The following SEMA5A variants were observed in gnomAD, a reference collection of about 807,000 sequenced individuals.
The protein encoded by SEMA5A is semaphorin 5A.
A neutral mutation model predicts 135.5 loss-of-function variants in SEMA5A; 55 were observed. That is an observed-to-expected ratio of 0.41 (90% CI 0.33 to 0.51). The LOEUF (loss-of-function observed/expected upper bound fraction) is 0.51, where lower values mean the gene tolerates loss of function less well. Ranked by LOEUF, SEMA5A falls within the 20% of genes least tolerant of loss-of-function variation. SEMA5A has a pLI of 0.37. For missense variants in SEMA5A, 1,290 were observed against 1,419.9 expected (o/e 0.91, Z 1.47); for synonymous variants, 580 against 546.5 (o/e 1.06, Z -0.85).
intron 5 of SEMA5A, among the ~76,000 whole-genome samples, chr5:9,310,184 A>G (rs1752061723): frequency 6.6e-6 from 1 of 152,162 alleles, no homozygotes; most frequent in African/African-American, 2.4e-5. Flanking sequence ...TAGGCTTGGT[A>G]GGCCAGGCAG....
rs867295444 is a variant in SEMA5A, at chr5:9,226,792, T to C, written c.432+77A>G. The C allele has an allele frequency of 1.4e-5, 16 of 1,159,860 alleles. No individual in the cohort carries two copies. The Middle Eastern group carries it at 5.8e-4, about 42-fold the overall frequency. 71.8% of individuals were successfully genotyped at this position (1,159,860 alleles called of 1,614,324 possible). On this transcript the variant is annotated intron_variant, in intron 7 of 22. Transcript: ENST00000382496. ...CAACACCTTGGTGTATAGAAATTCA[T>C]TTAAAACTAGTATTTTTACACAATG...
chr5:9,174,440 G>A (rs1341948386), intron 11 of SEMA5A, among the ~76,000 whole-genome samples: 4 of 152,152 alleles, frequency 2.6e-5, no homozygotes, highest in African/African-American at 9.7e-5. Flanking sequence ...ATGTGGTGAG[G>A]TACCTTTTCT....
chr5:9,515,911 C>T (rs973346592), intron 1 of SEMA5A, among the ~76,000 whole-genome samples: 9 of 152,208 alleles, frequency 5.9e-5, no homozygotes, highest in East Asian at 1.9e-4. Flanking sequence ...CTGCCACCCA[C>T]GTAGCACCTC....
chr5:9,528,206 G>C lies in SEMA5A; in HGVS notation c.-175+17378C>G, dbSNP rs151197004. 3.9e-5 allele frequency among the ~76,000 whole-genome samples: 6 copies of C among 152,174 alleles called. No homozygotes were observed. In the East Asian group the frequency reaches 1.2e-3, roughly 29 times the overall value. ...TTCATCCCAATTTTCTAAAGAAAATGGTGTCAGCCCTCAGTTACACTATAG... is the reference window on the plus strand; with the variant it reads ...TTCATCCCAATTTTCTAAAGAAAATCGTGTCAGCCCTCAGTTACACTATAG... On this transcript the variant is annotated intron_variant, in intron 1 of 22. Coordinates refer to ENST00000382496, the MANE Select transcript of SEMA5A (RefSeq NM_003966.3).
At chr5:9,336,439 A>G (rs1044170257) in intron 4 of SEMA5A, among the ~76,000 whole-genome samples, 1 of 152,120 alleles carries the variant, frequency 6.6e-6, no homozygotes, top group Non-Finnish European at 1.5e-5. Context: ...GACTGATTTA[A>G]CACCACTGCA....
intron 1 of SEMA5A, among the ~76,000 whole-genome samples, chr5:9,473,147 C>A: frequency 7.8e-6 from 1 of 128,334 alleles, no homozygotes; most frequent in South Asian, 2.4e-4. Context: ...ATATAATGCC[C>A]ACAAAATAAA....
intron 5 of SEMA5A, among the ~76,000 whole-genome samples, chr5:9,255,784 A>G (rs149667689): frequency 2.4e-4 from 37 of 152,302 alleles, no homozygotes; most frequent in African/African-American, 8.7e-4. Flanking sequence ...ATTCCTGTCC[A>G]TTACTGGAAA....
At chr5:9,392,866 A>C (rs10513006) in intron 2 of SEMA5A, among the ~76,000 whole-genome samples, 1 of 152,218 alleles carries the variant, frequency 6.6e-6, no homozygotes, top group Non-Finnish European at 1.5e-5. Flanking sequence ...GCAATGAATC[A>C]TCCACTTTAT....
At chr5:9,115,319 A>G (rs1740455057) in intron 15 of SEMA5A, among the ~76,000 whole-genome samples, 1 of 152,180 alleles carries the variant, frequency 6.6e-6, no homozygotes, top group African/African-American at 2.4e-5. Flanking sequence ...CATAACTAAG[A>G]GTCCAGAAGG....
At chr5:9,052,272 A>C (rs909488921) in intron 19 of SEMA5A, among the ~76,000 whole-genome samples, 2 of 152,334 alleles carry the variant, frequency 1.3e-5, no homozygotes, top group East Asian at 3.9e-4. Context: ...AGCTTAAAAT[A>C]AACATTATTT....
chr5:9,119,905 T>C (rs1292194744), intron 14 of SEMA5A, among the ~76,000 whole-genome samples: 1 of 151,458 alleles, frequency 6.6e-6, no homozygotes, highest in Non-Finnish European at 1.5e-5. Flanking sequence ...TGTAGATATA[T>C]AAAAATATAA....
chr5:9,230,934 C>G lies in SEMA5A; in HGVS notation c.334-3967G>C, dbSNP rs575407590. 2.0e-5 allele frequency among the ~76,000 whole-genome samples: 3 copies of G among 152,332 alleles called. No homozygotes were observed. The East Asian group carries it at 5.8e-4, about 29-fold the overall frequency. ...GTCACCCAACTGGCTAAGGGCATCT[C>G]ACGTACTTCCCGTTCTTACTCCCTT... On this transcript the variant is annotated intron_variant, in intron 6 of 22. Coordinates refer to ENST00000382496, the MANE Select transcript of SEMA5A (RefSeq NM_003966.3).
At chr5:9,100,281 T>C (rs1336441649) in intron 16 of SEMA5A, among the ~76,000 whole-genome samples, 1 of 149,776 alleles carries the variant, frequency 6.7e-6, no homozygotes, top group African/African-American at 2.5e-5. Context: ...AGATGTGCTT[T>C]TGGGGCCGCA....
intron 1 of SEMA5A, among the ~76,000 whole-genome samples, chr5:9,533,689 T>G (rs1359907198): frequency 6.6e-6 from 1 of 152,230 alleles, no homozygotes; most frequent in Non-Finnish European, 1.5e-5. Flanking sequence ...ACATGCAGAC[T>G]TTACAAGTTT....
At position 9,231,896 on chromosome 5, in the gene SEMA5A, G is replaced by C. The variant is rs1806017; in HGVS notation, c.334-4929C>G. Among the ~76,000 whole-genome samples, 1,513 of 152,268 alleles carry C rather than the reference G, an allele frequency of 9.9e-3. 30 individuals are homozygous for C. Among genetic ancestry groups the C allele is most frequent in the African/African-American group, 0.035 (1,460 of 41,552 alleles). ...GCCTCTAGCAGCTTGCTGCCACAAG[G>C]CTTCTAGGGTTGATAATGAGAGTCA... On this transcript the variant is annotated intron_variant, in intron 6 of 22. Coordinates refer to ENST00000382496, the MANE Select transcript of SEMA5A (RefSeq NM_003966.3).
chr5:9,468,693 G>A (rs185800506), intron 1 of SEMA5A, among the ~76,000 whole-genome samples: 10 of 152,218 alleles, frequency 6.6e-5, no homozygotes, highest in South Asian at 4.1e-4. Flanking sequence ...ATAGCAACCC[G>A]TCAAATGGTG....
At chr5:9,294,634 A>G (rs1039109269) in intron 5 of SEMA5A, among the ~76,000 whole-genome samples, 1 of 152,154 alleles carries the variant, frequency 6.6e-6, no homozygotes, top group Non-Finnish European at 1.5e-5. Context: ...CAGAATCCAA[A>G]CACAACATAT....
At chr5:9,436,790 T>TCCTCTATC (rs1270255968) in intron 2 of SEMA5A, among the ~76,000 whole-genome samples, 1 of 152,330 alleles carries the variant, frequency 6.6e-6, no homozygotes, top group African/African-American at 2.4e-5. Context: ...ACACAACTAG[T>TCCTCTATC]CCTCTATCCC....
chr5:9,530,147 T>C (rs1737361011), intron 1 of SEMA5A, among the ~76,000 whole-genome samples: 1 of 152,234 alleles, frequency 6.6e-6, no homozygotes, highest in Non-Finnish European at 1.5e-5. Context: ...TCTGGCCATG[T>C]TAGATGCGAC....
Sources: allele counts gnomAD v4.1 joint callset (sites outside exome capture counted in the v4.1 genomes callset), GRCh38; gene constraint gnomAD v4.1.1; transcripts MANE v1.5; gene names NCBI Gene and HGNC (gene_info 2026-07-23, HGNC 2026-07-21).